KIAA0513: variants seen among roughly 807,000 people sequenced by gnomAD.
KIAA0513 encodes the protein KIAA0513.
In KIAA0513, 39 loss-of-function variants were observed where a neutral mutation model predicts 56.5. That is an observed-to-expected ratio of 0.69 (90% confidence interval 0.53 to 0.90). KIAA0513 has a LOEUF of 0.90. Ranked by LOEUF, KIAA0513 falls within the 40% of genes least tolerant of loss-of-function variation. The probability of loss-of-function intolerance (pLI) is 0.00; values close to 1 mark genes in which losing one functional copy is unlikely to be tolerated. For synonymous variants in KIAA0513, 268 were observed against 215.6 expected (o/e 1.24, Z -2.13); for missense variants, 591 against 535.2 (o/e 1.10, Z -1.03).
chr16:85,094,175 T>G lies in KIAA0513; in HGVS notation c.*5850T>G, dbSNP rs2073899022. 6.6e-6 allele frequency: 1 copy of G among 152,180 alleles called. No individual in the cohort carries two copies. Among genetic ancestry groups the G allele is most frequent in the African/African-American group, 2.4e-5 (1 of 41,434 alleles). The allele number at this position is 152,180 out of a possible 1,614,324, so 9.4% of individuals were successfully genotyped here. On this transcript the variant is annotated 3_prime_UTR_variant, in exon 13 of 13. Coordinates refer to ENST00000683363, the MANE Select transcript of KIAA0513 (RefSeq NM_001388359.1). ...TGTGAAGAAAAACATGTGTATATAT[T>G]GCACCTTGAGTTGTCAGAAGGTAGA...
chr16:85,062,469 GC>G (rs1204325545), intron 1 of KIAA0513, among the ~76,000 whole-genome samples: 1 of 152,158 alleles, frequency 6.6e-6, no homozygotes, highest in Non-Finnish European at 1.5e-5. Context: ...AGTGCTTCAG[GC>G]CCGCAGGCCA....
At chr16:85,042,730 A>C (rs1368639438) in intron 1 of KIAA0513, among the ~76,000 whole-genome samples, 3 of 152,242 alleles carry the variant, frequency 2.0e-5, no homozygotes, top group Non-Finnish European at 4.4e-5. Flanking sequence ...ATTGTGGAAA[A>C]GAATAGTCCA....
chr16:85,043,371 T>C (rs2073128487), intron 1 of KIAA0513, among the ~76,000 whole-genome samples: 1 of 150,840 alleles, frequency 6.6e-6, no homozygotes, highest in African/African-American at 2.4e-5. Context: ...GGGCATGAGA[T>C]GGCAGGGTTT....
rs756370229 is a variant in KIAA0513, at chr16:85,082,556, C to T, written c.981-8C>T. On this transcript the variant is annotated splice_polypyrimidine_tract_variant and splice_region_variant and intron_variant, in intron 9 of 12. Coordinates refer to ENST00000683363, the MANE Select transcript of KIAA0513 (RefSeq NM_001388359.1). ...TCCTTTGTTTACCTGTTTCTGCTGC[C>T]GCTCCAGAGGGGATGCTGGAGAGGA... 4.3e-6 allele frequency: 7 copies of T among 1,613,828 alleles called. No homozygotes were observed. Among genetic ancestry groups the T allele is most frequent in the East Asian group, 2.2e-5 (1 of 44,858 alleles).
At chr16:85,039,193 T>G (rs1032436492) in intron 1 of KIAA0513, among the ~76,000 whole-genome samples, 2 of 152,256 alleles carry the variant, frequency 1.3e-5, no homozygotes, top group African/African-American at 4.8e-5. Flanking sequence ...GAATAGTCAG[T>G]GCCATTGGAA....
At chr16:85,040,761 G>A (rs1465854087) in intron 1 of KIAA0513, among the ~76,000 whole-genome samples, 1 of 152,144 alleles carries the variant, frequency 6.6e-6, no homozygotes, top group Non-Finnish European at 1.5e-5. Flanking sequence ...AGCGTTTTGA[G>A]ATGAAAGAAA....
rs2073870836 is a variant in KIAA0513 at position 85,091,835 on chromosome 16, G to GT, written c.*3511dup. The stretch of plus-strand genomic sequence containing the variant: ...GACATGAGGAATGCAGGTTCACACT[G>GT]TAAAGAGTTTGTGAAAGGTTTCAGT... On this transcript the variant is annotated 3_prime_UTR_variant, in exon 13 of 13. Coordinates refer to ENST00000683363, the MANE Select transcript of KIAA0513 (RefSeq NM_001388359.1). The GT allele has an allele frequency of 6.6e-6, 1 of 152,138 alleles. No individual in the cohort carries two copies. The highest frequency in any genetic ancestry group is 1.5e-5 in the Non-Finnish European group (1 of 68,086). The allele number at this position is 152,138 out of a possible 1,614,324, so 9.4% of individuals were successfully genotyped here.
chr16:85,060,970 A>T (rs2073396308), intron 1 of KIAA0513, among the ~76,000 whole-genome samples: 1 of 152,082 alleles, frequency 6.6e-6, no homozygotes, highest in Non-Finnish European at 1.5e-5. Context: ...CCTGGCCAAC[A>T]TGGTGAAACC....
chr16:85,089,491 A>G lies in KIAA0513; in HGVS notation c.*1166A>G, dbSNP rs368113834. The G allele has an allele frequency of 1.2e-4, 18 of 152,636 alleles. No individual in the cohort carries two copies. In the East Asian group the frequency reaches 1.9e-3, roughly 16 times the overall value. The allele number at this position is 152,636 out of a possible 1,614,324, so 9.5% of individuals were successfully genotyped here. A position where few individuals can be genotyped will look rare whatever the true frequency, so the allele number is the denominator to read the frequency against. Reference sequence around the variant, plus strand: ...TGTACCAGGTACTCCAGGCCAGCCCATGGGCCCGGGGCCTGACCCCAACAC... The same window carrying G: ...TGTACCAGGTACTCCAGGCCAGCCCGTGGGCCCGGGGCCTGACCCCAACAC... On this transcript the variant is annotated 3_prime_UTR_variant, in exon 13 of 13. Coordinates refer to ENST00000683363, the MANE Select transcript of KIAA0513 (RefSeq NM_001388359.1). This position sits in a 1 kb window ranked among gnomAD's most constrained non-coding sequence, Gnocchi z 4.2.
intron 1 of KIAA0513, among the ~76,000 whole-genome samples, chr16:85,030,922 A>C (rs1293539919): frequency 6.6e-6 from 1 of 152,222 alleles, no homozygotes; most frequent in Non-Finnish European, 1.5e-5. Context: ...AAGCCAAGGC[A>C]ATCCCCAGCA....
chr16:85,055,898 C>T (rs1198178392), intron 1 of KIAA0513, among the ~76,000 whole-genome samples: 1 of 152,130 alleles, frequency 6.6e-6, no homozygotes, highest in African/African-American at 2.4e-5. Flanking sequence ...GCTCTCGGGC[C>T]CACTCAAACT....
chr16:85,041,697 A>T (rs1432402033), intron 1 of KIAA0513, among the ~76,000 whole-genome samples: 3 of 152,188 alleles, frequency 2.0e-5, no homozygotes, highest in African/African-American at 7.2e-5. Flanking sequence ...GCCTCCGGTG[A>T]TGAAATTCCC....
At chr16:85,072,779 G>A in intron 3 of KIAA0513, 146 bp from the exon 4 acceptor site, 1 of 730,618 alleles carries the variant, frequency 1.4e-6, no homozygotes, top group Non-Finnish European at 2.3e-6. Context: ...CAGAAGGGGT[G>A]GGTTCTATAG....
At chr16:85,086,839 T>TTCA in intron 11 of KIAA0513, 115 bp downstream of exon 11, 1 of 992,158 alleles carries the variant, frequency 1.0e-6, no homozygotes, top group Non-Finnish European at 1.5e-6. Context: ...AGGCATGGGG[T>TTCA]TCATCACACT....
At chr16:85,038,924 A>G (rs1231780416) in intron 1 of KIAA0513, among the ~76,000 whole-genome samples, 1 of 152,212 alleles carries the variant, frequency 6.6e-6, no homozygotes, top group Non-Finnish European at 1.5e-5. Flanking sequence ...GCATGTGGCC[A>G]GCGGCTACCA....
intron 7 of KIAA0513, 80 bp from the exon 8 acceptor site, chr16:85,078,845 C>A: frequency 6.8e-7 from 1 of 1,462,354 alleles, no homozygotes; most frequent in African/African-American, 1.4e-5. Context: ...AAACTGGCTG[C>A]TGGGAGGCTG....
At chr16:85,028,117 C>T (rs1193294885) in intron 1 of KIAA0513, among the ~76,000 whole-genome samples, 1 of 152,160 alleles carries the variant, frequency 6.6e-6, no homozygotes, top group Non-Finnish European at 1.5e-5. Context: ...CGCCGGGAGC[C>T]CACGGGCGGA....
chr16:85,036,775 G>T (rs12597107), intron 1 of KIAA0513, among the ~76,000 whole-genome samples: 24,315 of 152,120 alleles, frequency 0.16, 2,449 homozygotes, highest in Middle Eastern at 0.22. Flanking sequence ...CCTGCCCGGG[G>T]ACAGCTCCCG....
At chr16:85,050,425 C>T (rs1481359087) in intron 1 of KIAA0513, among the ~76,000 whole-genome samples, 1 of 151,602 alleles carries the variant, frequency 6.6e-6, no homozygotes, top group Non-Finnish European at 1.5e-5. Context: ...TCTCGGCTCA[C>T]TGCAACCTCC....
Sources: allele counts gnomAD v4.1 joint callset (sites outside exome capture counted in the v4.1 genomes callset), GRCh38; gene constraint gnomAD v4.1.1; non-coding constraint Gnocchi (gnomAD v3.1); transcripts MANE v1.5; gene names NCBI Gene and HGNC (gene_info 2026-07-23, HGNC 2026-07-21).